IL3RA: variants seen among roughly 807,000 people sequenced by gnomAD.
IL3RA encodes the protein interleukin-3 receptor subunit alpha.
Under a neutral mutation model 52.3 loss-of-function variants are expected in IL3RA, and 73 were observed. That is an observed-to-expected ratio of 1.40 (90% CI 1.16 to 1.70). IL3RA has a LOEUF of 1.70. IL3RA is among the 40% of genes most tolerant of loss of function. The pLI is 0.00. For missense variants in IL3RA, 664 were observed against 504.4 expected, an observed-to-expected ratio of 1.32 and a Z score of -3.03; for synonymous variants, 260 against 194.0, an observed-to-expected ratio of 1.34 and a Z score of -2.83.
At chrX:1,345,006 CAAA>C (rs59723587) in intron 2 of IL3RA, among the ~76,000 whole-genome samples, 1 of 138,728 alleles carries the variant, frequency 7.2e-6, no homozygotes, top group Non-Finnish European at 1.5e-5. Flanking sequence ...ACTAAAAATA[CAAA>C]AAAAAAAAAA....
At position 1,352,358 on chromosome X, in the gene IL3RA, G is replaced by A. The variant is rs1445376991; in HGVS notation, c.468G>A (p.Thr156=). Residue 156 remains threonine, a synonymous_variant, in exon 6 of 12, where the codon ACG becomes ACA. Coordinates refer to ENST00000331035, the MANE Select transcript of IL3RA (RefSeq NM_002183.4). ...RQQYECLHYK[T]DAQGTRIGCR... is the part of the protein sequence containing the mutation. ...AGTACGAGTGTCTTCACTACAAAAC[G>A]GATGCTCAGGGAACACGTATCGGGT... The A allele has an allele frequency of 4.3e-6, 7 of 1,613,784 alleles. No homozygotes were observed. Among genetic ancestry groups the A allele is most frequent in the African/African-American group, 4.0e-5 (3 of 75,044 alleles).
At chrX:1,355,414 G>GGGGGA (rs1556626119) in intron 6 of IL3RA, among the ~76,000 whole-genome samples, 3 of 123,814 alleles carry the variant, frequency 2.4e-5, no homozygotes, top group African/African-American at 1.1e-4. Flanking sequence ...TAGGAGCGGA[G>GGGGGA]GGGGAGGAGG....
At chrX:1,377,287 C>G (rs34605586) in intron 9 of IL3RA, among the ~76,000 whole-genome samples, 20,838 of 152,058 alleles carry the variant, frequency 0.14, 1,671 homozygotes, top group Middle Eastern at 0.26. Context: ...TGTCGCCAGG[C>G]TGGAGTGCAG....
rs1444899234 is a variant in IL3RA, at chrX:1,380,937, CACTGTCTGTCCTGGA to C, written c.981-85_981-71del. 3 of 1,145,934 alleles carry C rather than the reference CACTGTCTGTCCTGGA, an allele frequency of 2.6e-6. No individual in the cohort carries two copies. In the African/African-American group the frequency reaches 4.8e-5, roughly 18 times the overall value. 71.0% of individuals were successfully genotyped at this position (1,145,934 alleles called of 1,614,324 possible). On this transcript the variant is annotated intron_variant, in intron 10 of 11. Coordinates refer to ENST00000331035, the MANE Select transcript of IL3RA (RefSeq NM_002183.4). ...ACTTGAGTCTTTTGCTCTGTCCTGG[CACTGTCTGTCCTGGA>C]CACGCTGTGTCCCAGATGATGAGCT...
intron 10 of IL3RA, among the ~76,000 whole-genome samples, chrX:1,380,299 A>G (rs1351553545): frequency 1.4e-5 from 2 of 147,478 alleles, no homozygotes; most frequent in Non-Finnish European, 3.0e-5. Flanking sequence ...AAGTGCTGGC[A>G]TTACAGGCTT....
Position 1,353,914 on chromosome X carries a change from TCATCATGGGTTC to T in IL3RA, c.616+1419_616+1430del, listed in dbSNP as rs1320924278. Among the ~76,000 whole-genome samples, 25 of 107,370 alleles carry T rather than the reference TCATCATGGGTTC, an allele frequency of 2.3e-4. 1 individual carries two copies. The highest frequency in any genetic ancestry group is 8.4e-4 in the African/African-American group (23 of 27,436). The allele number at this position is 107,370 out of a possible 152,430, so 70.4% of individuals were successfully genotyped here. A position where few individuals can be genotyped will look rare whatever the true frequency, so the allele number is the denominator to read the frequency against. ...ATTCCATCATGAGTCATGGGATCCC[TCATCATGGGTTC>T]CATCATGGGTCATGGGACCCCCCCC... On this transcript the variant is annotated intron_variant, in intron 6 of 11. Coordinates refer to ENST00000331035, the MANE Select transcript of IL3RA (RefSeq NM_002183.4).
At chrX:1,370,857 C>A (rs1603448830) in intron 9 of IL3RA, among the ~76,000 whole-genome samples, 1 of 61,094 alleles carries the variant, frequency 1.6e-5, no homozygotes, top group African/African-American at 9.9e-5. Context: ...TCAGGAGGAA[C>A]CAGCACTGCC....
chrX:1,345,330 A>G lies in IL3RA; in HGVS notation c.79A>G (p.Ile27Val), dbSNP rs750762408. 3 of 1,610,016 alleles carry G rather than the reference A, an allele frequency of 1.9e-6. No homozygotes were observed. Among genetic ancestry groups the G allele is most frequent in the Admixed American group, 3.3e-5 (2 of 59,812 alleles). The change falls in exon 3 of 12, where the codon ATC (isoleucine) becomes GTC (valine). Residue 27 changes from isoleucine to valine, a missense_variant. Coordinates refer to ENST00000331035, the MANE Select transcript of IL3RA (RefSeq NM_002183.4). ...LQTKEDPNPP[I>V]TNLRMKAKAQ... ...CACCGTTTTAGATCCAAACCCACCA[A>G]TCACGAACCTAAGGATGAAAGCAAA...
chrX:1,340,272 C>T (rs1204714937), intron 1 of IL3RA, among the ~76,000 whole-genome samples: 5 of 152,044 alleles, frequency 3.3e-5, no homozygotes, highest in South Asian at 2.1e-4. Flanking sequence ...CACTCCACCA[C>T]GCCTGGCTAA....
intron 8 of IL3RA, among the ~76,000 whole-genome samples, chrX:1,364,442 G>A (rs2087750161): frequency 1.3e-5 from 2 of 152,136 alleles, no homozygotes; most frequent in African/African-American, 4.8e-5. Flanking sequence ...GGTGAGCCGA[G>A]TTGGTGCCAC....
intron 9 of IL3RA, among the ~76,000 whole-genome samples, chrX:1,367,578 G>T (rs1306719357): frequency 9.9e-6 from 1 of 100,988 alleles, no homozygotes; most frequent in Non-Finnish European, 1.9e-5. Flanking sequence ...GGTGCGCGGG[G>T]TGAGCGGGGT....
chrX:1,352,616 T>TG, intron 6 of IL3RA, 110 bp downstream of exon 6: 1 of 1,167,926 alleles, frequency 8.6e-7, no homozygotes, highest in Non-Finnish European at 1.2e-6. Flanking sequence ...CGTTGGCCTC[T>TG]CACATTTCCA....
chrX:1,340,208 C>T (rs780327394), intron 1 of IL3RA, among the ~76,000 whole-genome samples: 3 of 151,238 alleles, frequency 2.0e-5, no homozygotes, highest in East Asian at 3.9e-4. Context: ...CTCCACCTCC[C>T]GGGTTCAACT....
intron 8 of IL3RA, among the ~76,000 whole-genome samples, chrX:1,361,669 C>T (rs1399294642): frequency 6.7e-6 from 1 of 149,018 alleles, no homozygotes; most frequent in African/African-American, 2.5e-5. Context: ...AGGAGAATCG[C>T]TTGAACCCGG....
intron 9 of IL3RA, among the ~76,000 whole-genome samples, chrX:1,377,882 A>G (rs1352669203): frequency 1.3e-5 from 2 of 150,810 alleles, no homozygotes; most frequent in Non-Finnish European, 3.0e-5. Flanking sequence ...CAAAAAAAAA[A>G]AAAAGAAAAA....
intron 3 of IL3RA, among the ~76,000 whole-genome samples, chrX:1,347,783 C>G (rs1368403800): frequency 6.7e-6 from 1 of 148,642 alleles, no homozygotes; most frequent in Non-Finnish European, 1.5e-5. Flanking sequence ...TCACGCCTGT[C>G]ATCCCAGCAC....
chrX:1,360,670 C>T (rs1297837548), intron 8 of IL3RA, among the ~76,000 whole-genome samples: 1 of 150,912 alleles, frequency 6.6e-6, no homozygotes. Flanking sequence ...AGGCACTCGC[C>T]ACCATGCCCA....
chrX:1,378,450 C>T (rs1249529852), intron 9 of IL3RA, among the ~76,000 whole-genome samples: 2 of 152,158 alleles, frequency 1.3e-5, no homozygotes, highest in Non-Finnish European at 2.9e-5. Context: ...GTCCGGAAGT[C>T]GCTCCCGGTC....
chrX:1,343,518 T>A (rs1231054063), intron 2 of IL3RA, among the ~76,000 whole-genome samples: 1 of 151,014 alleles, frequency 6.6e-6, no homozygotes, highest in Admixed American at 6.6e-5. Flanking sequence ...TACAAAAAAA[T>A]TAGCTGGGCG....
Sources: allele counts gnomAD v4.1 joint callset (sites outside exome capture counted in the v4.1 genomes callset), GRCh38; gene constraint gnomAD v4.1.1; transcripts MANE v1.5; gene names NCBI Gene and HGNC (gene_info 2026-07-23, HGNC 2026-07-21).